The following DAAM1 variants were observed in gnomAD, a reference collection of about 807,000 sequenced individuals.
The protein encoded by DAAM1 is dishevelled associated activator of morphogenesis 1.
DAAM1 carries 52 observed loss-of-function variants against 130.0 expected under a neutral mutation model. That is an observed-to-expected ratio of 0.40 (90% CI 0.32 to 0.50). The LOEUF is 0.50. Ranked by LOEUF, DAAM1 falls within the 20% of genes least tolerant of loss-of-function variation. The pLI, the probability that DAAM1 is intolerant of heterozygous loss-of-function variation, is 0.61. For synonymous variants in DAAM1, 452 were observed against 444.5 expected, an observed-to-expected ratio of 1.02 and a Z score of -0.21; for missense variants, 1,134 against 1,303.8, an observed-to-expected ratio of 0.87 and a Z score of 2.01.
chr14:59,288,203 A>G (rs911848780), intron 2 of DAAM1, among the ~76,000 whole-genome samples: 8 of 152,238 alleles, frequency 5.3e-5, no homozygotes, highest in Admixed American at 5.2e-4. Flanking sequence ...TGGTGGTAGG[A>G]TAACTGTCTA....
At chr14:59,254,580 G>T (rs1033161085) in intron 1 of DAAM1, among the ~76,000 whole-genome samples, 1 of 152,100 alleles carries the variant, frequency 6.6e-6, no homozygotes, top group Non-Finnish European at 1.5e-5. Context: ...AGGTCAGCAG[G>T]GGGAGGGCAC....
intron 2 of DAAM1, among the ~76,000 whole-genome samples, chr14:59,276,803 C>G (rs1055166111): frequency 1.3e-5 from 2 of 151,942 alleles, no homozygotes; most frequent in Non-Finnish European, 2.9e-5. Flanking sequence ...AAAACAAAAC[C>G]CCCAAACACA....
intron 15 of DAAM1, among the ~76,000 whole-genome samples, chr14:59,332,634 C>T (rs1229270683): frequency 2.0e-5 from 3 of 152,166 alleles, no homozygotes; most frequent in Non-Finnish European, 4.4e-5. Flanking sequence ...TCTTGTTCTT[C>T]AAGAGGGCAT....
intron 2 of DAAM1, chr14:59,264,386 G>A (rs190011248): frequency 6.6e-6 from 1 of 152,252 alleles, no homozygotes; most frequent in African/African-American, 2.4e-5. Flanking sequence ...GCTAGCATAG[G>A]ACTTAGGAAG....
chr14:59,349,901 C>T (rs17834020), intron 17 of DAAM1, among the ~76,000 whole-genome samples: 57,465 of 151,920 alleles, frequency 0.38, 13,435 homozygotes, highest in East Asian at 0.84. Flanking sequence ...CAAGTGGGCT[C>T]AGCACAAGTT....
intron 1 of DAAM1, among the ~76,000 whole-genome samples, chr14:59,194,464 C>G (rs367810388): frequency 4.6e-5 from 7 of 152,190 alleles, no homozygotes; most frequent in African/African-American, 1.7e-4. Flanking sequence ...TGGAGCCTGT[C>G]CAGCATTAGA....
rs564370590 is a variant in DAAM1 at position 59,326,974 on chromosome 14, C to T, written c.1355C>T (p.Ala452Val). ...ENEVKQWKEQ[A>V]EKMRKEHNEL... ...GAAGTTAAGCAGTGGAAAGAACAAGCGGAAAAAATGAGAAAAGGTAAATAA... is the reference window on the plus strand; with the variant it reads ...GAAGTTAAGCAGTGGAAAGAACAAGTGGAAAAAATGAGAAAAGGTAAATAA... Residue 452 changes from alanine (A) to valine (V), a missense_variant, in exon 12 of 25, where the codon GCG becomes GTG. Ala to Val is a moderately conservative substitution (Grantham distance 64, BLOSUM62 0). Around this residue, in one of 3 missense-constraint regions of DAAM1, gnomAD observed 391 missense variants for 521.6 expected, o/e 0.75. Coordinates refer to ENST00000360909, the MANE Select transcript of DAAM1 (RefSeq NM_001270520.2). The T allele has an allele frequency of 1.9e-5, 30 of 1,613,616 alleles. No homozygotes were observed. Among genetic ancestry groups the T allele is most frequent in the African/African-American group, 1.2e-4 (9 of 74,922 alleles).
intron 15 of DAAM1, among the ~76,000 whole-genome samples, chr14:59,336,129 G>C (rs1464597661): frequency 6.6e-6 from 1 of 151,710 alleles, no homozygotes; most frequent in African/African-American, 2.4e-5. Context: ...AATTTTCCTG[G>C]ATAGAGATTC....
At chr14:59,211,785 A>C (rs1417986029) in intron 1 of DAAM1, among the ~76,000 whole-genome samples, 1 of 152,212 alleles carries the variant, frequency 6.6e-6, no homozygotes, top group African/African-American at 2.4e-5. Flanking sequence ...TTGCACTGAA[A>C]AAAATCTTGT....
chr14:59,221,224 T>C (rs1014856712), intron 1 of DAAM1, among the ~76,000 whole-genome samples: 4 of 152,228 alleles, frequency 2.6e-5, no homozygotes, highest in African/African-American at 9.6e-5. Context: ...GTAACTTAAA[T>C]AGTATAGAAA....
At chr14:59,276,783 A>G (rs1882987308) in intron 2 of DAAM1, among the ~76,000 whole-genome samples, 1 of 152,192 alleles carries the variant, frequency 6.6e-6, no homozygotes, top group Admixed American at 6.5e-5. Flanking sequence ...AGCAAAACAA[A>G]AGAAAACAAA....
At chr14:59,317,578 G>A (rs1237223903) in intron 4 of DAAM1, among the ~76,000 whole-genome samples, 1 of 152,150 alleles carries the variant, frequency 6.6e-6, no homozygotes, top group African/African-American at 2.4e-5. Context: ...AGGAGTGTTT[G>A]TCCACATTGT....
chr14:59,239,973 G>A (rs1889426259), intron 1 of DAAM1, among the ~76,000 whole-genome samples: 2 of 152,142 alleles, frequency 1.3e-5, no homozygotes, highest in South Asian at 4.1e-4. Context: ...TCCAAAATGG[G>A]AACCCTTTGA....
chr14:59,273,788 G>A (rs939122092), intron 2 of DAAM1, among the ~76,000 whole-genome samples: 3 of 152,192 alleles, frequency 2.0e-5, no homozygotes, highest in African/African-American at 7.2e-5. Flanking sequence ...TTTCAGTAAT[G>A]GCTAGAAGGA....
intron 22 of DAAM1, among the ~76,000 whole-genome samples, chr14:59,361,357 C>A (rs1033747687): frequency 1.3e-5 from 2 of 152,106 alleles, no homozygotes; most frequent in Non-Finnish European, 2.9e-5. Context: ...CCAGGTGTTG[C>A]AATAATCGGA....
At chr14:59,283,725 T>G (rs1367545841) in intron 2 of DAAM1, among the ~76,000 whole-genome samples, 1 of 152,154 alleles carries the variant, frequency 6.6e-6, no homozygotes, top group Non-Finnish European at 1.5e-5. Flanking sequence ...GATCATGAAC[T>G]TCCCAAAGGA....
Position 59,331,244 on chromosome 14 carries a change from G to A in DAAM1, c.1596G>A (p.Ser532=), listed in dbSNP as rs773988645. 24 of 1,612,624 alleles carry A rather than the reference G, an allele frequency of 1.5e-5. No homozygotes were observed. Among genetic ancestry groups the A allele is most frequent in the Admixed American group, 1.0e-4 (6 of 59,970 alleles). ...AVCASIPGGP[S]PGAPGGPFPS... is the part of the protein sequence containing the mutation. ...GTGCTTCAATCCCAGGTGGACCCTC[G>A]CCTGGAGCACCAGGAGGGCCCTTTC... Residue 532 remains serine (S), a synonymous_variant, in exon 14 of 25, where the codon TCG becomes TCA. Coordinates refer to ENST00000360909, the MANE Select transcript of DAAM1 (RefSeq NM_001270520.2).
chr14:59,218,113 A>G (rs1888649586), intron 1 of DAAM1, among the ~76,000 whole-genome samples: 1 of 152,120 alleles, frequency 6.6e-6, no homozygotes, highest in Admixed American at 6.5e-5. Context: ...AGCCTGGGTG[A>G]CAGAGGAAGA....
chr14:59,282,649 C>A (rs1883277313), intron 2 of DAAM1, among the ~76,000 whole-genome samples: 1 of 152,152 alleles, frequency 6.6e-6, no homozygotes, highest in African/African-American at 2.4e-5. Flanking sequence ...ACAGTCTAGA[C>A]TCGAGTTCTT....
Sources: allele counts gnomAD v4.1 joint callset (sites outside exome capture counted in the v4.1 genomes callset), GRCh38; gene constraint gnomAD v4.1.1; regional missense constraint gnomAD v4.1.1; transcripts MANE v1.5; gene names NCBI Gene and HGNC (gene_info 2026-07-23, HGNC 2026-07-21).